The following HVCN1 variants were observed in gnomAD, a reference collection of about 807,000 sequenced individuals.
The protein encoded by HVCN1 is hydrogen voltage gated channel 1.
Under a neutral mutation model 29.2 loss-of-function variants are expected in HVCN1, and 14 were observed. That is an observed-to-expected ratio of 0.48 (90% CI 0.32 to 0.75). The LOEUF (loss-of-function observed/expected upper bound fraction) is 0.75. HVCN1 is among the 30% of genes least tolerant of loss of function. The probability of loss-of-function intolerance (pLI) is 0.04; values close to 1 mark genes in which losing one functional copy is unlikely to be tolerated. For missense variants in HVCN1, 263 were observed against 341.8 expected (o/e 0.77, Z 1.82); for synonymous variants, 131 against 133.2 (o/e 0.98, Z 0.11).
chr12:110,652,729 G>C (rs2067854141), intron 5 of HVCN1, among the ~76,000 whole-genome samples: 1 of 152,230 alleles, frequency 6.6e-6, no homozygotes, highest in Non-Finnish European at 1.5e-5. Flanking sequence ...ACTACTAAAT[G>C]TAGAAGGAAA....
chr12:110,650,246 C>A lies in HVCN1; in HGVS notation c.678G>T (p.Arg226=). Residue 226 remains arginine (R), a synonymous_variant, in exon 7 of 8, where the codon CGG becomes CGT. Transcript: ENST00000242607. ...IIISVKTRSE[R]QLLRLKQMNV... is the part of the protein sequence containing the mutation. Reference sequence around the variant, plus strand: ...TCATCTGTTTTAACCTTAAGAGTTGCCGTTCTGAACGTGTCTTAACTGAGA... The same window carrying A: ...TCATCTGTTTTAACCTTAAGAGTTGACGTTCTGAACGTGTCTTAACTGAGA... 1.2e-6 allele frequency: 2 copies of A among 1,612,858 alleles called. No individual in the cohort carries two copies. Among genetic ancestry groups the A allele is most frequent in the Non-Finnish European group, 1.7e-6 (2 of 1,178,966 alleles).
chr12:110,668,534 TCTC>T (rs1023062139), intron 3 of HVCN1, among the ~76,000 whole-genome samples: 5 of 151,964 alleles, frequency 3.3e-5, no homozygotes, highest in African/African-American at 9.7e-5. Flanking sequence ...CCAAAACTCT[TCTC>T]CTCCAGCTTC....
upstream of HVCN1, among the ~76,000 whole-genome samples, chr12:110,694,764 C>T (rs1369859698): frequency 6.6e-6 from 1 of 152,202 alleles, no homozygotes; most frequent in Non-Finnish European, 1.5e-5. This position sits in a 1 kb window ranked among gnomAD's most constrained non-coding sequence, Gnocchi z 4.6. Flanking sequence ...CTGCACAAGG[C>T]CTGGGCACCG....
intron 2 of HVCN1, 50 bp from the exon 3 acceptor site, chr12:110,683,314 G>A (rs1018134): frequency 0.1 from 163,252 of 1,561,202 alleles, 10,360 homozygotes; most frequent in African/African-American, 0.28. Flanking sequence ...GCTGCCATCT[G>A]CCTTGGTATG....
intron 3 of HVCN1, among the ~76,000 whole-genome samples, chr12:110,679,479 G>A (rs760390406): frequency 2.0e-5 from 3 of 152,190 alleles, no homozygotes; most frequent in Non-Finnish European, 2.9e-5. Flanking sequence ...CCAGGCACCC[G>A]GCTAAGTGTT....
chr12:110,691,254 G>T (rs911260961), upstream of HVCN1, among the ~76,000 whole-genome samples: 1 of 151,722 alleles, frequency 6.6e-6, no homozygotes, highest in African/African-American at 2.4e-5. Context: ...TAGTAGAGAC[G>T]GGGTTTCACC....
At chr12:110,650,334 GA>G (rs555543831) in intron 6 of HVCN1, 54 bp from the exon 7 acceptor site, 3 of 1,108,466 alleles carry the variant, frequency 2.7e-6, no homozygotes, top group South Asian at 2.5e-5. Context: ...AACCACTCAG[GA>G]AAAAAATCTG....
intron 2 of HVCN1, among the ~76,000 whole-genome samples, chr12:110,684,932 C>A (rs2069123635): frequency 6.6e-6 from 1 of 152,150 alleles, no homozygotes; most frequent in Non-Finnish European, 1.5e-5. Flanking sequence ...TCTCCCCCAA[C>A]CTTTTATTTT....
chr12:110,649,490 G>GACAA lies in HVCN1; in HGVS notation c.757-19_757-16dup, dbSNP rs1419098010. 7 of 1,586,076 alleles carry GACAA rather than the reference G, an allele frequency of 4.4e-6. No homozygotes were observed. In the Admixed American group the frequency reaches 1.0e-4, roughly 23 times the overall value. On this transcript the variant is annotated splice_polypyrimidine_tract_variant and intron_variant, in intron 7 of 7. Transcript: ENST00000242607. ...ATTTCTTGTTCCTATTGCAAAAGCA[G>GACAA]ACAAACACTGGAATTTACTTTGAGC...
intron 1 of HVCN1, among the ~76,000 whole-genome samples, chr12:110,703,756 C>G (rs956083449): frequency 6.6e-6 from 1 of 152,008 alleles, no homozygotes; most frequent in South Asian, 2.1e-4. Flanking sequence ...ATGATCTCGG[C>G]TCACTGCAAC....
Position 110,648,765 on chromosome 12 carries a change from A to G in HVCN1, c.*645T>C. The stretch of plus-strand genomic sequence containing the variant: ...TGGTATGGGTGCCACAGAGGAAAGA[A>G]TACAGTAGGAGGGTCCAGGGAAAAG... On this transcript the variant is annotated 3_prime_UTR_variant, in exon 8 of 8. Transcript: ENST00000242607. The G allele has an allele frequency of 3.5e-6, 1 of 284,110 alleles. No individual in the cohort carries two copies. Among genetic ancestry groups the G allele is most frequent in the South Asian group, 3.2e-5 (1 of 31,348 alleles). 17.6% of individuals were successfully genotyped at this position (284,110 alleles called of 1,614,324 possible).
chr12:110,677,412 C>T (rs2068785087), intron 3 of HVCN1, among the ~76,000 whole-genome samples: 2 of 152,194 alleles, frequency 1.3e-5, no homozygotes, highest in African/African-American at 2.4e-5. Context: ...AACCCCCTTT[C>T]ACCCTGTCCT....
At chr12:110,687,264 C>G (rs7132423) in intron 2 of HVCN1, among the ~76,000 whole-genome samples, 3,677 of 149,658 alleles carry the variant, frequency 0.025, 217 homozygotes, top group African/African-American at 0.079. Flanking sequence ...CACACCCCCC[C>G]CCCCCAGCTA....
upstream of HVCN1, among the ~76,000 whole-genome samples, chr12:110,691,483 A>G (rs116061299): frequency 4.9e-3 from 747 of 152,206 alleles, 8 homozygotes; most frequent in African/African-American, 0.017. Context: ...CAACTTCCTT[A>G]TATTTTATTA....
At chr12:110,687,616 AGGCGGCAAGAGATGCT>A in intron 2 of HVCN1, among the ~76,000 whole-genome samples, 1 of 151,962 alleles carries the variant, frequency 6.6e-6, no homozygotes, top group Admixed American at 6.6e-5. Context: ...CAGCGTGATG[AGGCGGCAAGAGATGCT>A]GGCGGCCTGG....
rs1593459790 is a variant in HVCN1, at chr12:110,661,560, C to A, written c.22-112G>T. 1 of 964,634 alleles carries A rather than the reference C, an allele frequency of 1.0e-6. No individual in the cohort carries two copies. The highest frequency in any genetic ancestry group is 2.6e-5 in the East Asian group (1 of 38,842). The allele number at this position is 964,634 out of a possible 1,614,324, so 59.8% of individuals were successfully genotyped here. On this transcript the variant is annotated intron_variant, in intron 3 of 7. Transcript: ENST00000242607. The surrounding 1 kb of genome is among the most constrained non-coding windows in gnomAD (Gnocchi z 6.2). ...TGAAGATGGTCCCGGGTGCGTAGAA[C>A]CCCCTGCAAGCAGAGACCATGAGGT...
chr12:110,678,837 G>C (rs1488614943), intron 3 of HVCN1, among the ~76,000 whole-genome samples: 2 of 152,172 alleles, frequency 1.3e-5, no homozygotes, highest in Non-Finnish European at 2.9e-5. Context: ...ACACAGTTTT[G>C]GGGGGACACG....
intron 1 of HVCN1, among the ~76,000 whole-genome samples, chr12:110,704,490 T>C (rs1181970595): frequency 6.7e-6 from 1 of 149,392 alleles, no homozygotes; most frequent in African/African-American, 2.5e-5. Context: ...TCTCTACCAA[T>C]AATTAAAAAA....
chr12:110,674,893 G>A (rs528176072), intron 3 of HVCN1, among the ~76,000 whole-genome samples: 9 of 152,144 alleles, frequency 5.9e-5, no homozygotes, highest in Non-Finnish European at 1.2e-4. Context: ...CCTGCAGGGA[G>A]TTAAGTGGTG....
Sources: gnomAD v4.1 joint callset for allele counts (sites outside exome capture counted in the v4.1 genomes callset) on GRCh38, gnomAD v4.1.1 for gene constraint, Gnocchi (gnomAD v3.1) non-coding constraint, MANE v1.5 for transcripts, NCBI Gene and HGNC (gene_info 2026-07-23, HGNC 2026-07-21) for gene names.